The following BLTP1 variants were observed in gnomAD, a reference collection of about 807,000 sequenced individuals.
The protein encoded by BLTP1 is fragile site-associated protein.
At chr4:122,183,480 A>G in the BLTP1 span, 2 of 985,216 alleles carry the variant, frequency 2.0e-6, no homozygotes, top group South Asian at 4.7e-5. Flanking sequence ...TTGCCTCTGG[A>G]TACTGCAGAT....
the BLTP1 span, chr4:122,180,200 T>C: frequency 6.1e-6 from 6 of 984,786 alleles, no homozygotes; most frequent in East Asian, 1.1e-4. Flanking sequence ...TTTACTAATA[T>C]TGTGACTTAA....
chr4:122,208,125 G>A, the BLTP1 span: 1 of 980,116 alleles, frequency 1.0e-6, no homozygotes, highest in South Asian at 4.7e-5. Flanking sequence ...TGGTTATACT[G>A]GTAAAATTAG....
At chr4:122,345,532 T>TGGAGCCAA in the BLTP1 span, among the ~76,000 whole-genome samples, 2 of 151,884 alleles carry the variant, frequency 1.3e-5, no homozygotes, top group Non-Finnish European at 2.9e-5. Context: ...TTTAATTGGT[T>TGGAGCCAA]TAAGTGGATG....
At chr4:122,340,316 GA>G in the BLTP1 span, among the ~76,000 whole-genome samples, 1 of 151,992 alleles carries the variant, frequency 6.6e-6, no homozygotes, top group Non-Finnish European at 1.5e-5. Flanking sequence ...CATTAAGCGT[GA>G]AAAAAATAAA....
the BLTP1 span, among the ~76,000 whole-genome samples, chr4:122,231,093 C>T: frequency 6.6e-6 from 1 of 152,062 alleles, no homozygotes; most frequent in Non-Finnish European, 1.5e-5. Flanking sequence ...TTCTAAATTT[C>T]CCATTATAAA....
At chr4:122,257,108 CT>C in the BLTP1 span, 1 of 806,796 alleles carries the variant, frequency 1.2e-6, no homozygotes, top group Non-Finnish European at 1.9e-6. Flanking sequence ...TCTTGGGTAA[CT>C]TTGAACAAAT....
the BLTP1 span, chr4:122,313,712 T>C: frequency 7.6e-7 from 1 of 1,314,224 alleles, no homozygotes; most frequent in Non-Finnish European, 1.1e-6. Flanking sequence ...AGCATTATTT[T>C]ATGTTAGATA....
the BLTP1 span, chr4:122,187,643 A>G: frequency 1.1e-6 from 1 of 912,434 alleles, no homozygotes; most frequent in Non-Finnish European, 1.6e-6. Flanking sequence ...ATTTCTGTAT[A>G]GTGTGAGTGA....
At chr4:122,255,395 G>T in the BLTP1 span, 3 of 759,894 alleles carry the variant, frequency 3.9e-6, no homozygotes, top group South Asian at 2.0e-5. Context: ...AAGTCTATAG[G>T]CCTGTAATCC....
the BLTP1 span, chr4:122,169,476 T>C: frequency 4.3e-6 from 1 of 231,626 alleles, no homozygotes; most frequent in African/African-American, 2.4e-5. Context: ...TGATTAAGTC[T>C]AGCTTTTTTT....
the BLTP1 span, chr4:122,257,142 T>G: frequency 8.9e-7 from 1 of 1,119,490 alleles, no homozygotes; most frequent in East Asian, 2.4e-5. Flanking sequence ...AAGTTTTAAT[T>G]TCTTTATCTC....
chr4:122,176,045 T>C, the BLTP1 span: 1 of 554,484 alleles, frequency 1.8e-6, no homozygotes. Context: ...CTTATGTCTG[T>C]AATCCCAGCA....
At chr4:122,177,762 C>A in the BLTP1 span, among the ~76,000 whole-genome samples, 2 of 152,186 alleles carry the variant, frequency 1.3e-5, no homozygotes, top group African/African-American at 4.8e-5. Flanking sequence ...GGTTAACTAT[C>A]CTCTATCAAT....
the BLTP1 span, chr4:122,353,756 T>C: frequency 6.5e-7 from 1 of 1,536,424 alleles, no homozygotes; most frequent in East Asian, 2.4e-5. The surrounding 1 kb of genome is among the most constrained non-coding windows in gnomAD (Gnocchi z 4.3). Flanking sequence ...GCCACAATTA[T>C]CATCTTGAAT....
At chr4:122,255,043 T>C in the BLTP1 span, 1 of 1,505,102 alleles carries the variant, frequency 6.6e-7, no homozygotes, top group Non-Finnish European at 9.0e-7. Context: ...AAATATCAGA[T>C]TTACAAGTTC....
the BLTP1 span, chr4:122,257,595 A>G: frequency 9.2e-7 from 1 of 1,092,164 alleles, no homozygotes; most frequent in East Asian, 2.4e-5. Flanking sequence ...CTTAGATATT[A>G]TGCATCTTTT....
At chr4:122,359,540 C>T in the BLTP1 span, 4 of 1,604,784 alleles carry the variant, frequency 2.5e-6, no homozygotes, top group Non-Finnish European at 3.4e-6. Flanking sequence ...TCATACTAAT[C>T]TAAATTTTCC....
chr4:122,171,596 G>T, the BLTP1 span, among the ~76,000 whole-genome samples: 2 of 151,186 alleles, frequency 1.3e-5, no homozygotes, highest in African/African-American at 4.9e-5. Flanking sequence ...CCCTGTTGGG[G>T]AATTGAGGCC....
the BLTP1 span, among the ~76,000 whole-genome samples, chr4:122,351,785 A>T: frequency 6.6e-6 from 1 of 152,180 alleles, no homozygotes; most frequent in African/African-American, 2.4e-5. Flanking sequence ...CCTGGCCTGG[A>T]TTCTTCAAAA....
Sources: allele counts gnomAD v4.1 joint callset (sites outside exome capture counted in the v4.1 genomes callset), GRCh38; gene constraint gnomAD v4.1.1; non-coding constraint Gnocchi (gnomAD v3.1); transcripts MANE v1.5; gene names NCBI Gene and HGNC (gene_info 2026-07-23, HGNC 2026-07-21).